Variants in BBOF1 observed in about 807,000 individuals in gnomAD.
The protein encoded by BBOF1 is basal body orientation factor 1, also known as basal body-orientation factor 1.
BBOF1 carries 62 observed loss-of-function variants against 68.0 expected under a neutral mutation model. The observed-to-expected ratio is 0.91, with a 90% CI of 0.74 to 1.13. BBOF1 has a LOEUF of 1.13. Ranked by LOEUF, BBOF1 falls within the 50% of genes most tolerant of loss-of-function variation. The pLI is 0.00. For synonymous variants in BBOF1, 208 were observed against 198.8 expected, an observed-to-expected ratio of 1.05 and a Z score of -0.39; for missense variants, 534 against 600.1, an observed-to-expected ratio of 0.89 and a Z score of 1.15.
chr14:74,019,556 G>C (rs2059201152), intron 1 of BBOF1, 22 bp downstream of exon 1: 12 of 1,580,590 alleles, frequency 7.6e-6, no homozygotes, highest in Non-Finnish European at 1.0e-5. Context: ...CCACCCGAGA[G>C]TCCCCTCTCC....
At chr14:74,074,838 G>GA (rs1566835296) in intron 9 of BBOF1, 1 of 1,074,668 alleles carries the variant, frequency 9.3e-7, no homozygotes, top group South Asian at 1.4e-5. Context: ...CCAAAAGGAG[G>GA]AAAAAACTAG....
At chr14:74,076,773 C>G (rs1326198546) in intron 9 of BBOF1, among the ~76,000 whole-genome samples, 2 of 152,104 alleles carry the variant, frequency 1.3e-5, no homozygotes, top group African/African-American at 4.8e-5. Context: ...TGGTCTCAAA[C>G]TCCTGACCTC....
In BBOF1 at chr14:74,065,582, C is replaced by G. The variant is rs531995735; in HGVS notation, c.*883C>G. 2.8e-4 allele frequency: 156 copies of G among 550,236 alleles called. No individual in the cohort carries two copies. Among genetic ancestry groups the G allele is most frequent in the African/African-American group, 2.7e-3 (143 of 52,924 alleles). The allele number at this position is 550,236 out of a possible 1,614,324, so 34.1% of individuals were successfully genotyped here. A position where few individuals can be genotyped will look rare whatever the true frequency, so the allele number is the denominator to read the frequency against. Reference sequence around the variant, plus strand: ...ATAAACAACTTGGAATTCCTATCAACAATAACCACACTTCCTTTAAGGGAC... The same window carrying G: ...ATAAACAACTTGGAATTCCTATCAAGAATAACCACACTTCCTTTAAGGGAC... On this transcript the variant is annotated 3_prime_UTR_variant, in exon 12 of 12. Transcript: ENST00000394009.
intron 11 of BBOF1, chr14:74,060,790 C>T (rs756059438): frequency 7.3e-7 from 1 of 1,376,676 alleles, no homozygotes; most frequent in Admixed American, 1.7e-5. Context: ...TCTGGGGTTT[C>T]ATGATTCTTC....
At chr14:74,037,475 T>G (rs972378622) in intron 4 of BBOF1, among the ~76,000 whole-genome samples, 2 of 146,112 alleles carry the variant, frequency 1.4e-5, no homozygotes, top group African/African-American at 5.1e-5. Flanking sequence ...TTTTTTTTTT[T>G]GAGATGGGGT....
At chr14:74,068,120 C>T (rs1230832776), downstream of BBOF1, among the ~76,000 whole-genome samples, 30 of 150,474 alleles carry the variant, frequency 2.0e-4, no homozygotes, top group Admixed American at 1.7e-3. Context: ...CATGGTGGCT[C>T]ATGCCTGTAA....
At chr14:74,068,601 G>C (rs576467281), downstream of BBOF1, among the ~76,000 whole-genome samples, 1 of 151,984 alleles carries the variant, frequency 6.6e-6, no homozygotes, top group East Asian at 1.9e-4. Flanking sequence ...AAATTAGCCG[G>C]GCGCTGTGGC....
At chr14:74,044,547 C>G (rs1308765920) in intron 5 of BBOF1, among the ~76,000 whole-genome samples, 1 of 150,890 alleles carries the variant, frequency 6.6e-6, no homozygotes, top group African/African-American at 2.4e-5. Context: ...ACTGCAGCCT[C>G]TACCTCCCAG....
intron 1 of BBOF1, 38 bp from the exon 2 acceptor site, chr14:74,022,878 A>G (rs757668363): frequency 2.6e-6 from 3 of 1,151,178 alleles, no homozygotes; most frequent in Non-Finnish European, 3.8e-6. Context: ...AGAGTTGTAT[A>G]AATAGTCATA....
At position 74,051,626 on chromosome 14, in the gene BBOF1, A is replaced by T. The variant is rs532571938; in HGVS notation, c.1286+1431A>T. 5.0e-4 allele frequency among the ~76,000 whole-genome samples: 76 copies of T among 151,902 alleles called. 1 individual carries two copies. The South Asian group carries it at 0.015, about 30-fold the overall frequency. Reference sequence around the variant, plus strand: ...GTTGCAGACTATATATTACATAATGATTAACTTTGTTTCCTATTAGCATTT... The same window carrying T: ...GTTGCAGACTATATATTACATAATGTTTAACTTTGTTTCCTATTAGCATTT... On this transcript the variant is annotated intron_variant, in intron 8 of 11. Transcript: ENST00000394009.
At chr14:74,033,898 A>G in intron 3 of BBOF1, 130 bp from the exon 4 acceptor site, 4 of 439,054 alleles carry the variant, frequency 9.1e-6, no homozygotes, top group Middle Eastern at 6.3e-4. Flanking sequence ...AAATAAATAA[A>G]TAAAAATAGA....
intron 11 of BBOF1, among the ~76,000 whole-genome samples, chr14:74,064,142 C>A (rs1249939149): frequency 6.7e-6 from 1 of 150,362 alleles, no homozygotes; most frequent in Non-Finnish European, 1.5e-5. Context: ...TACTAAAAAA[C>A]AAAAAATTAT....
intron 9 of BBOF1, chr14:74,071,743 T>C (rs1350629766): frequency 8.4e-6 from 12 of 1,427,402 alleles, no homozygotes; most frequent in African/African-American, 1.4e-5. Context: ...GTCTTAGGGA[T>C]ACTGAATACT....
intron 11 of BBOF1, chr14:74,058,103 G>A (rs969711992): frequency 6.6e-5 from 11 of 165,990 alleles, no homozygotes; most frequent in South Asian, 2.0e-4. Flanking sequence ...CGAGGTGGGC[G>A]GATCATTAGG....
At chr14:74,033,969 A>G (rs1393047899) in intron 3 of BBOF1, 59 bp from the exon 4 acceptor site, 8 of 1,423,926 alleles carry the variant, frequency 5.6e-6, no homozygotes, top group Non-Finnish European at 7.6e-6. Flanking sequence ...CAAATGAAAC[A>G]TGACTTTGTG....
At chr14:74,071,178 T>C (rs766388876) in intron 9 of BBOF1, 2 of 1,607,898 alleles carry the variant, frequency 1.2e-6, no homozygotes, top group Non-Finnish European at 8.5e-7. Context: ...AGTAGCCATA[T>C]GCATAAGGGC....
Position 74,062,871 on chromosome 14 carries a change from A to C in BBOF1, c.1579-1817A>C, listed in dbSNP as rs534309411. On this transcript the variant is annotated intron_variant, in intron 11 of 11. Transcript: ENST00000394009. ...AACAAAACATGTAATTTATTAATGA[A>C]GGTTTCAAAATGGCTCTAGTCCTAT... is the stretch of plus-strand genomic sequence containing the variant. Among the ~76,000 whole-genome samples, 3 of 152,364 alleles carry C rather than the reference A, an allele frequency of 2.0e-5. No individual in the cohort carries two copies. In the East Asian group the frequency reaches 5.8e-4, roughly 29 times the overall value.
chr14:74,023,454 G>T (rs1233244618), intron 2 of BBOF1, among the ~76,000 whole-genome samples: 3 of 152,052 alleles, frequency 2.0e-5, no homozygotes, highest in African/African-American at 7.2e-5. Context: ...TATATTTTTT[G>T]ATGCTGATTT....
At chr14:74,056,345 G>A (rs1402786296) in intron 9 of BBOF1, among the ~76,000 whole-genome samples, 1 of 151,630 alleles carries the variant, frequency 6.6e-6, no homozygotes, top group African/African-American at 2.4e-5. Flanking sequence ...GATTACAGGG[G>A]CCACCACCAT....
Sources: gnomAD v4.1 joint callset for allele counts (sites outside exome capture counted in the v4.1 genomes callset) on GRCh38, gnomAD v4.1.1 for gene constraint, MANE v1.5 for transcripts, NCBI Gene and HGNC (gene_info 2026-07-23, HGNC 2026-07-21) for gene names.